The following GTF2E2 variants were observed in gnomAD, a reference collection of about 807,000 sequenced individuals.
The protein encoded by GTF2E2 is general transcription factor IIE subunit 2.
GTF2E2 carries 21 observed loss-of-function variants against 40.5 expected under a neutral mutation model. That is an observed-to-expected ratio of 0.52 (90% CI 0.37 to 0.75). The LOEUF is 0.75. Ranked by LOEUF, GTF2E2 falls within the 30% of genes least tolerant of loss-of-function variation. The pLI is 0.00. For synonymous variants in GTF2E2, 117 were observed against 121.6 expected (o/e 0.96, Z 0.25); for missense variants, 298 against 338.4 (o/e 0.88, Z 0.94).
chr8:30,628,788 G>A (rs922886617), intron 3 of GTF2E2, among the ~76,000 whole-genome samples: 14 of 151,976 alleles, frequency 9.2e-5, no homozygotes, highest in Non-Finnish European at 1.9e-4. Flanking sequence ...AAAATTAGCC[G>A]GGTGTGGTGG....
chr8:30,653,121 A>C (rs1802338375), intron 2 of GTF2E2, among the ~76,000 whole-genome samples: 1 of 152,224 alleles, frequency 6.6e-6, no homozygotes, highest in Non-Finnish European at 1.5e-5. Flanking sequence ...CTAAAATTGG[A>C]CTGTAATAAC....
intron 1 of GTF2E2, among the ~76,000 whole-genome samples, chr8:30,653,865 G>A (rs1802367179): frequency 6.6e-6 from 1 of 152,120 alleles, no homozygotes; most frequent in South Asian, 2.1e-4. Flanking sequence ...GAGGTGGGCA[G>A]ACTGCCTGAG....
chr8:30,597,415 A>C (rs1315302422), intron 6 of GTF2E2: 1 of 152,216 alleles, frequency 6.6e-6, no homozygotes, highest in Non-Finnish European at 1.5e-5. Flanking sequence ...GTAAGCATCC[A>C]ATGAAATCTG....
chr8:30,587,115 A>G (rs2151109026), intron 6 of GTF2E2, among the ~76,000 whole-genome samples: 1 of 152,364 alleles, frequency 6.6e-6, no homozygotes, highest in South Asian at 2.1e-4. Context: ...TATGGGTTTA[A>G]TATACAAAAT....
At position 30,614,609 on chromosome 8, in the gene GTF2E2, T is replaced by G; in HGVS notation, c.365A>C (p.Glu122Ala). 1 of 1,480,742 alleles carries G rather than the reference T, an allele frequency of 6.8e-7. No homozygotes were observed. The highest frequency in any genetic ancestry group is 9.4e-7 in the Non-Finnish European group (1 of 1,064,966). The allele number at this position is 1,480,742 out of a possible 1,614,324, so 91.7% of individuals were successfully genotyped here. A position where few individuals can be genotyped will look rare whatever the true frequency, so the allele number is the denominator to read the frequency against. ...CTTGATAATCAACTAAATTCTTACC[T>G]CAGTCATTAGCCATTGTTTCTGCTT... is the stretch of plus-strand genomic sequence containing the variant. ...GLKQKQWLMT[E>A]ALVNNPKIEV... is the part of the protein sequence containing the mutation. Residue 122 changes from glutamate to alanine, a missense_variant and splice_region_variant, in exon 4 of 8, where the codon GAG (glutamate) becomes GCG (alanine). Coordinates refer to ENST00000355904, the MANE Select transcript of GTF2E2 (RefSeq NM_002095.6).
At chr8:30,597,941 G>A (rs922273312) in intron 6 of GTF2E2, among the ~76,000 whole-genome samples, 8 of 152,138 alleles carry the variant, frequency 5.3e-5, no homozygotes, top group African/African-American at 1.9e-4. Context: ...TTAAAATGTA[G>A]GCAATAGCCA....
intron 2 of GTF2E2, chr8:30,638,641 T>G (rs1436643710): frequency 6.6e-6 from 1 of 152,544 alleles, no homozygotes; most frequent in Non-Finnish European, 1.5e-5. Context: ...AGACAAGAGG[T>G]AGGTTTATAT....
chr8:30,624,118 T>A (rs1801195335), intron 3 of GTF2E2, among the ~76,000 whole-genome samples: 1 of 152,148 alleles, frequency 6.6e-6, no homozygotes, highest in South Asian at 2.1e-4. Flanking sequence ...TTGCCTAGGT[T>A]TTCTTCTAGG....
intron 6 of GTF2E2, among the ~76,000 whole-genome samples, chr8:30,582,608 A>G (rs1828544084): frequency 6.6e-6 from 1 of 152,152 alleles, no homozygotes; most frequent in African/African-American, 2.4e-5. Flanking sequence ...GGTCTCCTCC[A>G]TTCTCTAAGT....
At chr8:30,637,613 A>C (rs1233759229) in intron 2 of GTF2E2, among the ~76,000 whole-genome samples, 1 of 152,100 alleles carries the variant, frequency 6.6e-6, no homozygotes, top group East Asian at 1.9e-4. Context: ...AACCTCTGCC[A>C]TTCGGGTTCA....
intron 6 of GTF2E2, among the ~76,000 whole-genome samples, chr8:30,605,824 C>T (rs1327204972): frequency 1.3e-5 from 2 of 152,060 alleles, no homozygotes; most frequent in Non-Finnish European, 2.9e-5. Context: ...CCAAGCCTGG[C>T]TAATTTTTCA....
At chr8:30,645,646 T>C in intron 2 of GTF2E2, 1 of 1,469,864 alleles carries the variant, frequency 6.8e-7, no homozygotes. Flanking sequence ...CAACCTCTTC[T>C]GAGAAAAAAA....
chr8:30,610,107 A>G (rs1563486095), intron 5 of GTF2E2, among the ~76,000 whole-genome samples: 1 of 152,100 alleles, frequency 6.6e-6, no homozygotes, highest in Non-Finnish European at 1.5e-5. Flanking sequence ...AAAAGAACAA[A>G]ATTGGTGATC....
chr8:30,656,267 C>A (rs573279684), intron 1 of GTF2E2, among the ~76,000 whole-genome samples: 1 of 152,234 alleles, frequency 6.6e-6, no homozygotes, highest in East Asian at 1.9e-4. Flanking sequence ...ACAGTAAAGT[C>A]ATAAAAACGT....
intron 5 of GTF2E2, among the ~76,000 whole-genome samples, chr8:30,608,982 C>T (rs1048188106): frequency 1.3e-5 from 2 of 152,160 alleles, no homozygotes; most frequent in African/African-American, 4.8e-5. Context: ...ATCTCCTGAC[C>T]TCGTGATCCA....
intron 6 of GTF2E2, among the ~76,000 whole-genome samples, chr8:30,595,880 AAAG>A (rs1371686541): frequency 5.9e-5 from 9 of 152,174 alleles, no homozygotes; most frequent in African/African-American, 4.8e-5. Context: ...AGAAAAAAGA[AAAG>A]AAGAGAAAAG....
chr8:30,608,811 G>A (rs979695901), intron 5 of GTF2E2, among the ~76,000 whole-genome samples: 2 of 152,192 alleles, frequency 1.3e-5, no homozygotes, highest in African/African-American at 2.4e-5. Context: ...GTGCAGTGAC[G>A]CGATCTTGGC....
chr8:30,597,074 A>C (rs1396204535), intron 6 of GTF2E2: 1 of 152,330 alleles, frequency 6.6e-6, no homozygotes, highest in African/African-American at 2.4e-5. Context: ...TATGGGTGGG[A>C]AGATTCTCTG....
chr8:30,582,073 G>A (rs549988468), intron 6 of GTF2E2, among the ~76,000 whole-genome samples: 2 of 152,192 alleles, frequency 1.3e-5, no homozygotes, highest in East Asian at 3.9e-4. Context: ...AAGCAGTGGC[G>A]CAATCTCAGC....
Sources: allele counts gnomAD v4.1 joint callset (sites outside exome capture counted in the v4.1 genomes callset), GRCh38; gene constraint gnomAD v4.1.1; transcripts MANE v1.5; gene names NCBI Gene and HGNC (gene_info 2026-07-23, HGNC 2026-07-21).